GABRA2: variants seen among roughly 807,000 people sequenced by gnomAD.
GABRA2 encodes gamma-aminobutyric acid receptor subunit alpha-2.
A neutral mutation model predicts 48.7 loss-of-function variants in GABRA2; 16 were observed. The ratio of observed to expected loss-of-function variants is 0.33; its 90% CI spans 0.22 to 0.50. GABRA2 has a LOEUF of 0.50. GABRA2 is among the 20% of genes least tolerant of loss of function. The pLI, the probability that GABRA2 is intolerant of heterozygous loss-of-function variation, is 0.98. For missense variants in GABRA2, 275 were observed against 535.6 expected (o/e 0.51, Z 4.80); for synonymous variants, 185 against 184.5 (o/e 1.00, Z -0.02).
intron 4 of GABRA2, among the ~76,000 whole-genome samples, chr4:46,315,436 A>C (rs1560517193): frequency 6.6e-6 from 1 of 151,968 alleles, no homozygotes; most frequent in Non-Finnish European, 1.5e-5. Flanking sequence ...CTGCCAATCT[A>C]TCTAACATAG....
chr4:46,360,819 G>A (rs1320843396), intron 3 of GABRA2, among the ~76,000 whole-genome samples: 1 of 152,212 alleles, frequency 6.6e-6, no homozygotes, highest in African/African-American at 2.4e-5. Flanking sequence ...CCAGGCTGAG[G>A]TGGTCTCAGT....
At chr4:46,256,602 A>C (rs1366097986) in intron 9 of GABRA2, among the ~76,000 whole-genome samples, 4 of 151,564 alleles carry the variant, frequency 2.6e-5, no homozygotes, top group African/African-American at 4.8e-5. Flanking sequence ...AGAAACTGAG[A>C]ATTTGAAGCT....
chr4:46,386,459 C>G (rs1717470423), intron 2 of GABRA2, among the ~76,000 whole-genome samples: 1 of 152,100 alleles, frequency 6.6e-6, no homozygotes, highest in African/African-American at 2.4e-5. Flanking sequence ...GTGGACTATT[C>G]ATTTTCTTTC....
chr4:46,388,624 TA>T lies in GABRA2; in HGVS notation c.71+11del. On this transcript the variant is annotated intron_variant, in intron 2 of 9. Coordinates refer to ENST00000381620, the MANE Select transcript of GABRA2 (RefSeq NM_000807.4). ...CCTGAATTAAAATAGTCAAATACAA[TA>T]AATATCTCACCTGGCAGGGTCCCAC... is the stretch of plus-strand genomic sequence containing the variant. 3 of 1,613,862 alleles carry T rather than the reference TA, an allele frequency of 1.9e-6. No homozygotes were observed. The highest frequency in any genetic ancestry group is 2.5e-6 in the Non-Finnish European group (3 of 1,179,882).
In GABRA2 at chr4:46,254,166, G is replaced by A. The variant is rs1577761853; in HGVS notation, c.1060-3562C>T. Among the ~76,000 whole-genome samples the A allele has an allele frequency of 2.6e-5, 4 of 151,422 alleles. No homozygotes were observed. The South Asian group carries it at 8.3e-4, about 31-fold the overall frequency. ...TACATGGCCCTATTCACTATTGACT[G>A]CTATTAAAAATAACTGTGTTGGGAG... On this transcript the variant is annotated intron_variant, in intron 9 of 9. Transcript: ENST00000381620.
intron 8 of GABRA2, among the ~76,000 whole-genome samples, chr4:46,276,890 AT>A (rs1720616857): frequency 1.3e-5 from 2 of 152,138 alleles, no homozygotes; most frequent in African/African-American, 4.8e-5. Flanking sequence ...TGCTACTTTT[AT>A]TTTTACCATC....
At chr4:46,346,617 AT>A (rs1734187367) in intron 3 of GABRA2, among the ~76,000 whole-genome samples, 1 of 148,346 alleles carries the variant, frequency 6.7e-6, no homozygotes. Context: ...TTATACTTAA[AT>A]ATTATATTTA....
intron 8 of GABRA2, among the ~76,000 whole-genome samples, chr4:46,296,656 GA>G (rs981486686): frequency 3.4e-4 from 47 of 136,568 alleles, no homozygotes; most frequent in South Asian, 7.0e-4. Flanking sequence ...CTATCAGGGG[GA>G]AAAAAAAAAA....
intron 8 of GABRA2, among the ~76,000 whole-genome samples, chr4:46,293,836 T>C (rs1281447681): frequency 6.6e-6 from 1 of 152,166 alleles, no homozygotes; most frequent in Non-Finnish European, 1.5e-5. Flanking sequence ...TTTCACCACA[T>C]CCCCATTCAA....
intron 3 of GABRA2, among the ~76,000 whole-genome samples, chr4:46,346,742 T>C (rs571326627): frequency 6.6e-6 from 1 of 151,714 alleles, no homozygotes; most frequent in South Asian, 2.1e-4. Context: ...AATGCCTGTA[T>C]GTGCACAATC....
rs1336258420 is a variant in GABRA2, at chr4:46,248,970, T to A, written c.*1338A>T. On this transcript the variant is annotated 3_prime_UTR_variant, in exon 10 of 10. Coordinates refer to ENST00000381620, the MANE Select transcript of GABRA2 (RefSeq NM_000807.4). ...TTTAAGATATTAAAAGAAAAATGAA[T>A]TTTACCCATTAATAACTAGTAATTA... 1.3e-5 allele frequency: 2 copies of A among 151,372 alleles called. No homozygotes were observed. The highest frequency in any genetic ancestry group is 2.0e-4 in the East Asian group (1 of 5,094). 9.4% of individuals were successfully genotyped at this position (151,372 alleles called of 1,614,324 possible). A position where few individuals can be genotyped will look rare whatever the true frequency, so the allele number is the denominator to read the frequency against.
At chr4:46,267,032 C>CT (rs949633498) in intron 8 of GABRA2, among the ~76,000 whole-genome samples, 1 of 151,882 alleles carries the variant, frequency 6.6e-6, no homozygotes, top group Admixed American at 6.6e-5. Flanking sequence ...TCCAAATATT[C>CT]TTTTTTCACC....
chr4:46,286,685 T>C (rs1229865199), intron 8 of GABRA2, among the ~76,000 whole-genome samples: 1 of 152,192 alleles, frequency 6.6e-6, no homozygotes, highest in African/African-American at 2.4e-5. Context: ...TTGTTTGTAA[T>C]TCCTTAATGA....
At chr4:46,366,344 G>T (rs1260742324) in intron 3 of GABRA2, 3 of 152,066 alleles carry the variant, frequency 2.0e-5, no homozygotes, top group African/African-American at 7.2e-5. Flanking sequence ...ATAAAAGAAT[G>T]AAACTGCGCA....
Position 46,247,846 on chromosome 4 carries a change from T to C in GABRA2, c.*2462A>G, listed in dbSNP as rs903895152. ...AAGAGAAGAAGCTCCTTTTGATTTA[T>C]TTAAACATTAAAAGAAGAAGAAATA... On this transcript the variant is annotated 3_prime_UTR_variant, in exon 10 of 10. Transcript: ENST00000381620. 1.3e-5 allele frequency among the ~76,000 whole-genome samples: 2 copies of C among 151,296 alleles called. No homozygotes were observed. The highest frequency in any genetic ancestry group is 2.4e-5 in the African/African-American group (1 of 41,338).
intron 8 of GABRA2, among the ~76,000 whole-genome samples, chr4:46,277,777 A>G (rs1422500867): frequency 6.6e-6 from 1 of 152,234 alleles, no homozygotes; most frequent in African/African-American, 2.4e-5. Flanking sequence ...AAAGGGCTGC[A>G]GCAAGCTAGA....
chr4:46,304,282 T>C (rs1181866924), intron 7 of GABRA2, among the ~76,000 whole-genome samples: 2 of 152,192 alleles, frequency 1.3e-5, no homozygotes, highest in East Asian at 3.9e-4. Flanking sequence ...AAGACTGATC[T>C]TCTGGCCCAC....
chr4:46,269,930 G>T (rs1437759246), intron 8 of GABRA2, among the ~76,000 whole-genome samples: 5 of 151,824 alleles, frequency 3.3e-5, no homozygotes, highest in Non-Finnish European at 7.4e-5. Flanking sequence ...ATACTTGATG[G>T]CATCTATCAA....
intron 3 of GABRA2, among the ~76,000 whole-genome samples, chr4:46,360,170 G>A (rs1275988686): frequency 2.0e-5 from 3 of 152,080 alleles, no homozygotes; most frequent in Non-Finnish European, 4.4e-5. Context: ...TGGTATCACA[G>A]GTATATACAT....
Sources: gnomAD v4.1 joint callset for allele counts (sites outside exome capture counted in the v4.1 genomes callset) on GRCh38, gnomAD v4.1.1 for gene constraint, MANE v1.5 for transcripts, NCBI Gene and HGNC (gene_info 2026-07-23, HGNC 2026-07-21) for gene names.